The following RAB22A variants were observed in gnomAD, a reference collection of about 807,000 sequenced individuals.
RAB22A encodes ras-related protein Rab-22A.
RAB22A carries 13 observed loss-of-function variants against 30.2 expected under a neutral mutation model. The ratio of observed to expected loss-of-function variants is 0.43; its 90% confidence interval spans 0.28 to 0.68. RAB22A has a LOEUF of 0.68. RAB22A is among the 30% of genes least tolerant of loss of function. RAB22A has a pLI of 0.18. For synonymous variants in RAB22A, 89 were observed against 87.2 expected, an observed-to-expected ratio of 1.02 and a Z score of -0.11; for missense variants, 177 against 246.8, an observed-to-expected ratio of 0.72 and a Z score of 1.89.
At chr20:58,353,766 C>T (rs1447568161) in intron 5 of RAB22A, among the ~76,000 whole-genome samples, 5 of 152,142 alleles carry the variant, frequency 3.3e-5, no homozygotes, top group Admixed American at 3.3e-4. Flanking sequence ...ATACTGGTTG[C>T]GTTGCATCCA....
rs1019182418 is a variant in RAB22A at position 58,365,910 on chromosome 20, G to T, written c.*6207G>T. 1.3e-5 allele frequency: 2 copies of T among 152,258 alleles called. No individual in the cohort carries two copies. Among genetic ancestry groups the T allele is most frequent in the Non-Finnish European group, 1.5e-5 (1 of 68,118 alleles). The allele number at this position is 152,258 out of a possible 1,614,324, so 9.4% of individuals were successfully genotyped here. A position where few individuals can be genotyped will look rare whatever the true frequency, so the allele number is the denominator to read the frequency against. On this transcript the variant is annotated 3_prime_UTR_variant, in exon 7 of 7. Coordinates refer to ENST00000244040, the MANE Select transcript of RAB22A (RefSeq NM_020673.3). ...GAACTCCTGACCTCACGATCCGCCC[G>T]CCTCGGCCTCCCAAAGTGCTGGGAT...
rs1163982831 is a variant in RAB22A, at chr20:58,359,619, A to G, written c.501A>G (p.Pro167=). 1.2e-6 allele frequency: 2 copies of G among 1,609,290 alleles called. No homozygotes were observed. The highest frequency in any genetic ancestry group is 1.7e-6 in the Non-Finnish European group (2 of 1,176,458). The change falls in exon 7 of 7, where the codon CCA becomes CCG. Residue 167 remains proline (P), a synonymous_variant. Transcript: ENST00000244040. ...ATCTTGGTTTAGGTCGAAGAATTCC[A>G]TCCACTGACGCCAACCTGCCATCTG... is the stretch of plus-strand genomic sequence containing the variant. ...ELFIEISRRI[P]STDANLPSGG... is the part of the protein sequence containing the mutation.
At chr20:58,353,710 G>A (rs1987089534) in intron 5 of RAB22A, among the ~76,000 whole-genome samples, 172 bp downstream of exon 5, 1 of 152,164 alleles carries the variant, frequency 6.6e-6, no homozygotes, top group Non-Finnish European at 1.5e-5. Flanking sequence ...TCAGGCATTT[G>A]GAGCTAATTA....
At chr20:58,333,232 T>G (rs1986691705) in intron 2 of RAB22A, among the ~76,000 whole-genome samples, 1 of 151,578 alleles carries the variant, frequency 6.6e-6, no homozygotes, top group East Asian at 1.9e-4. Flanking sequence ...GTGAGCAAGA[T>G]CATGCCATTG....
At chr20:58,328,682 C>T (rs1162109228) in intron 2 of RAB22A, among the ~76,000 whole-genome samples, 1 of 152,134 alleles carries the variant, frequency 6.6e-6, no homozygotes, top group Admixed American at 6.6e-5. Context: ...CCAGCCCTAG[C>T]TCTCTTTTCC....
chr20:58,336,293 T>C (rs1334987841), intron 2 of RAB22A, among the ~76,000 whole-genome samples: 1 of 152,062 alleles, frequency 6.6e-6, no homozygotes, highest in Non-Finnish European at 1.5e-5. Context: ...ATTACGGGTA[T>C]GAGCCACGGC....
chr20:58,363,296 A>G lies in RAB22A; in HGVS notation c.*3593A>G, dbSNP rs1356508804. On this transcript the variant is annotated 3_prime_UTR_variant, in exon 7 of 7. Coordinates refer to ENST00000244040, the MANE Select transcript of RAB22A (RefSeq NM_020673.3). The stretch of plus-strand genomic sequence containing the variant: ...ACTTTCACTTATTCTTTCAGAATAC[A>G]TCAAGGATGTGATTTATGGGCCCTT... The G allele has an allele frequency of 2.0e-5, 3 of 152,232 alleles. No individual in the cohort carries two copies. The highest frequency in any genetic ancestry group is 4.4e-5 in the Non-Finnish European group (3 of 68,038). 9.4% of individuals were successfully genotyped at this position (152,232 alleles called of 1,614,324 possible).
At chr20:58,317,263 A>AT (rs2122925861) in intron 2 of RAB22A, among the ~76,000 whole-genome samples, 1 of 151,382 alleles carries the variant, frequency 6.6e-6, no homozygotes, top group East Asian at 2.0e-4. Context: ...CGTCCAGCTA[A>AT]TTTTTGTATT....
At chr20:58,327,032 C>T (rs1600728021) in intron 2 of RAB22A, among the ~76,000 whole-genome samples, 1 of 152,234 alleles carries the variant, frequency 6.6e-6, no homozygotes, top group Middle Eastern at 3.4e-3. Flanking sequence ...TGTGGCCGGG[C>T]ACAGTCGCTT....
Position 58,361,418 on chromosome 20 carries a change from T to A in RAB22A, c.*1715T>A, listed in dbSNP as rs78144201. The A allele has an allele frequency of 3.9e-5, 6 of 152,268 alleles. No individual in the cohort carries two copies. The highest frequency in any genetic ancestry group is 7.3e-5 in the Non-Finnish European group (5 of 68,042). 9.4% of individuals were successfully genotyped at this position (152,268 alleles called of 1,614,324 possible). On this transcript the variant is annotated 3_prime_UTR_variant, in exon 7 of 7. Coordinates refer to ENST00000244040, the MANE Select transcript of RAB22A (RefSeq NM_020673.3). ...TATCTTAAGCATTTGGAATTTTTTTTATCTTCTGAAATCATATAAAAAGAA... is the reference window on the plus strand; with the variant it reads ...TATCTTAAGCATTTGGAATTTTTTTAATCTTCTGAAATCATATAAAAAGAA...
intron 3 of RAB22A, among the ~76,000 whole-genome samples, chr20:58,348,377 T>G (rs1986986851): frequency 6.6e-6 from 1 of 152,206 alleles, no homozygotes; most frequent in African/African-American, 2.4e-5. Flanking sequence ...ATTGTCACAG[T>G]AGTCATGTAA....
chr20:58,339,040 C>T (rs758396388), intron 2 of RAB22A, among the ~76,000 whole-genome samples: 3 of 152,130 alleles, frequency 2.0e-5, no homozygotes, highest in Admixed American at 6.5e-5. Context: ...CAGAGCACAC[C>T]TATGTTCCAG....
At chr20:58,327,574 A>T (rs1181225138) in intron 2 of RAB22A, among the ~76,000 whole-genome samples, 2 of 152,232 alleles carry the variant, frequency 1.3e-5, no homozygotes, top group African/African-American at 4.8e-5. Flanking sequence ...AAGAATTTGC[A>T]GTGCCTTTCG....
chr20:58,334,003 A>C (rs1244191378), intron 2 of RAB22A, among the ~76,000 whole-genome samples: 1 of 152,098 alleles, frequency 6.6e-6, no homozygotes, highest in East Asian at 1.9e-4. Context: ...GGCTACTGTG[A>C]ACCATTATTG....
At position 58,361,278 on chromosome 20, in the gene RAB22A, G is replaced by A. The variant is rs1987220737; in HGVS notation, c.*1575G>A. On this transcript the variant is annotated 3_prime_UTR_variant, in exon 7 of 7. Coordinates refer to ENST00000244040, the MANE Select transcript of RAB22A (RefSeq NM_020673.3). ...AGAGCTATCCTGAAACTGAACAGCT[G>A]AAACTTTAAAAAATAATTGGTATTA... 6.6e-6 allele frequency: 1 copy of A among 152,534 alleles called. No individual in the cohort carries two copies. The highest frequency in any genetic ancestry group is 2.4e-5 in the African/African-American group (1 of 41,416). The allele number at this position is 152,534 out of a possible 1,614,324, so 9.4% of individuals were successfully genotyped here.
chr20:58,359,675 C>A lies in RAB22A; in HGVS notation c.557C>A (p.Pro186His). Residue 186 changes from proline (P) to histidine (H), a missense_variant, in exon 7 of 7, where the codon CCT becomes CAT. Transcript: ENST00000244040. ...AAGGGCTTCAAACTCCGAAGACAGCCTTCAGAGCCAAAGCGGAGCTGCTGC... is the reference window on the plus strand; with the variant it reads ...AAGGGCTTCAAACTCCGAAGACAGCATTCAGAGCCAAAGCGGAGCTGCTGC... ...GGKGFKLRRQ[P>H]SEPKRSCC 6.2e-7 allele frequency: 1 copy of A among 1,612,292 alleles called. No homozygotes were observed. The highest frequency in any genetic ancestry group is 1.1e-5 in the South Asian group (1 of 91,022).
At chr20:58,342,884 C>T (rs1024240758) in intron 2 of RAB22A, among the ~76,000 whole-genome samples, 9 of 151,992 alleles carry the variant, frequency 5.9e-5, no homozygotes, top group Non-Finnish European at 1.2e-4. Context: ...CTGGAGTCCC[C>T]CAAGTGTCCA....
chr20:58,337,137 C>T (rs942243462), intron 2 of RAB22A, among the ~76,000 whole-genome samples: 1 of 152,204 alleles, frequency 6.6e-6, no homozygotes, highest in Non-Finnish European at 1.5e-5. Flanking sequence ...CACACACTTA[C>T]TCTTTTATAG....
intron 2 of RAB22A, among the ~76,000 whole-genome samples, chr20:58,329,123 G>A (rs955210254): frequency 2.7e-5 from 4 of 149,020 alleles, no homozygotes; most frequent in Non-Finnish European, 5.9e-5. Flanking sequence ...GCGCTATCTC[G>A]GCTCACTGCA....
Sources: gnomAD v4.1 joint callset for allele counts (sites outside exome capture counted in the v4.1 genomes callset) on GRCh38, gnomAD v4.1.1 for gene constraint, MANE v1.5 for transcripts, NCBI Gene and HGNC (gene_info 2026-07-23, HGNC 2026-07-21) for gene names.